USP34: variants seen among roughly 807,000 people sequenced by gnomAD.
USP34 encodes ubiquitin specific peptidase 34.
Under a neutral mutation model 460.3 loss-of-function variants are expected in USP34, and 70 were observed. The ratio of observed to expected loss-of-function variants is 0.15; its 90% CI spans 0.13 to 0.19. USP34 has a LOEUF of 0.19. USP34 is among the 10% of genes least tolerant of loss of function. The pLI is 1.00. For missense variants in USP34, 3,985 were observed against 4,236.2 expected (o/e 0.94, Z 1.65); for synonymous variants, 1,647 against 1,405.3 (o/e 1.17, Z -3.85).
chr2:61,453,457 C>T (rs991086134), intron 1 of USP34, among the ~76,000 whole-genome samples: 1 of 151,912 alleles, frequency 6.6e-6, no homozygotes, highest in Non-Finnish European at 1.5e-5. Context: ...TGCCTGTAAT[C>T]CCAGCACTTT....
intron 1 of USP34, among the ~76,000 whole-genome samples, chr2:61,435,029 C>T (rs1694774381): frequency 6.6e-6 from 1 of 151,998 alleles, no homozygotes; most frequent in Admixed American, 6.6e-5. Flanking sequence ...AGAGGCCAAG[C>T]ACAGCACCTC....
chr2:61,396,558 G>A (rs1326149554), intron 3 of USP34, among the ~76,000 whole-genome samples: 1 of 151,476 alleles, frequency 6.6e-6, no homozygotes, highest in African/African-American at 2.4e-5. Context: ...GCATGATCTC[G>A]GATCACTGCA....
At chr2:61,304,383 T>A (rs1461076466) in intron 27 of USP34, among the ~76,000 whole-genome samples, 1 of 152,240 alleles carries the variant, frequency 6.6e-6, no homozygotes, top group African/African-American at 2.4e-5. Flanking sequence ...GTATTTGATA[T>A]GAGATAGGCC....
intron 41 of USP34, among the ~76,000 whole-genome samples, chr2:61,276,020 G>C (rs1689363054): frequency 6.6e-6 from 1 of 152,160 alleles, no homozygotes; most frequent in Non-Finnish European, 1.5e-5. Flanking sequence ...TTTTACAAAT[G>C]AATGGGAAAC....
chr2:61,278,242 C>A lies in USP34; in HGVS notation c.5356G>T (p.Gly1786Trp). The change falls in exon 41 of 80, where the codon GGG becomes TGG. Residue 1786 changes from glycine (G) to tryptophan (W), a missense_variant. Gly to Trp is a radical substitution (Grantham distance 184, BLOSUM62 -2). Transcript: ENST00000398571. ...GCAAGCCTTAGGAGTCCTGTAAGCC[C>A]ATCATCTTCTACATTACCATCCTGA... ...DHQDGNVEDD[G>W]LTGLLRLATS... 2 of 1,613,654 alleles carry A rather than the reference C, an allele frequency of 1.2e-6. No homozygotes were observed. The highest frequency in any genetic ancestry group is 1.7e-6 in the Non-Finnish European group (2 of 1,179,796).
intron 1 of USP34, among the ~76,000 whole-genome samples, chr2:61,456,237 C>T (rs1195732742): frequency 1.3e-5 from 2 of 152,206 alleles, no homozygotes; most frequent in African/African-American, 4.8e-5. Context: ...ATGGTAACAA[C>T]GTGCCAGATT....
chr2:61,202,344 C>A (rs1202422535), intron 75 of USP34, among the ~76,000 whole-genome samples: 2 of 152,140 alleles, frequency 1.3e-5, no homozygotes, highest in African/African-American at 4.8e-5. Context: ...ACGTCCCACT[C>A]TGAAAACTAT....
Position 61,188,703 on chromosome 2 carries a change from T to C in USP34, c.10040A>G (p.Glu3347Gly), listed in dbSNP as rs753602835. The C allele has an allele frequency of 6.7e-5, 108 of 1,612,086 alleles. No individual in the cohort carries two copies. Among genetic ancestry groups the C allele is most frequent in the Non-Finnish European group, 9.1e-5 (107 of 1,179,162 alleles). The change falls in exon 80 of 80, where the codon GAA becomes GGA. Residue 3347 changes from glutamate (E) to glycine (G), a missense_variant. This residue lies in a region of USP34 where 506 missense variants were observed against 439.0 expected (regional missense o/e 1.15). Transcript: ENST00000398571. ...CCGCCTTTTAATGGGAGTTGCTCCT[T>C]CATCATCTGTGAAAACACATGCCAA... ...EAKERKTKDDEGATPIKRRRV... is the reference protein window; with the variant it reads ...EAKERKTKDDGGATPIKRRRV...
chr2:61,187,930 T>C lies in USP34; in HGVS notation c.*172A>G. 7.0e-7 allele frequency: 1 copy of C among 1,430,972 alleles called. No homozygotes were observed. The highest frequency in any genetic ancestry group is 9.2e-7 in the Non-Finnish European group (1 of 1,090,394). 88.6% of individuals were successfully genotyped at this position (1,430,972 alleles called of 1,614,324 possible). ...TTAGGAAGTATACTGAAGATGCAAG[T>C]TTTTTTCATCTGGAGTTCTGCCTGA... On this transcript the variant is annotated 3_prime_UTR_variant, in exon 80 of 80. Transcript: ENST00000398571.
At chr2:61,411,915 G>A (rs907371355) in intron 2 of USP34, among the ~76,000 whole-genome samples, 13 of 152,076 alleles carry the variant, frequency 8.5e-5, no homozygotes, top group East Asian at 3.9e-4. Context: ...AAGGGCGGGC[G>A]TGGTGGCTCA....
chr2:61,291,927 C>G (rs1005302504), intron 33 of USP34, among the ~76,000 whole-genome samples: 7 of 152,020 alleles, frequency 4.6e-5, no homozygotes, highest in Admixed American at 2.6e-4. Flanking sequence ...GGATGAATCT[C>G]GAAAATAGGC....
chr2:61,370,530 C>T lies in USP34; in HGVS notation c.1126G>A (p.Glu376Lys), dbSNP rs1692587517. ...TGTAAATTTGGTCCAAATATATGCT[C>T]CACCACATTGTTGCTAATAAGCCAG... ...ADWLISNNVV[E>K]HIFGPNLHIE... Residue 376 changes from glutamate (E) to lysine (K), a missense_variant, in exon 9 of 80, where the codon GAG (glutamate) becomes AAG (lysine). Glu to Lys is a moderately conservative substitution (Grantham distance 56, BLOSUM62 1). This residue lies in a region of USP34 where 716 missense variants were observed against 626.2 expected (regional missense o/e 1.14). Transcript: ENST00000398571. 1 of 1,613,818 alleles carries T rather than the reference C, an allele frequency of 6.2e-7. No homozygotes were observed. The highest frequency in any genetic ancestry group is 1.1e-5 in the South Asian group (1 of 91,050).
chr2:61,190,886 AG>A, intron 76 of USP34: 2 of 424,822 alleles, frequency 4.7e-6, no homozygotes, highest in Non-Finnish European at 8.3e-6. Context: ...TGCTGGGGGA[AG>A]ACACTGATGC....
intron 51 of USP34, among the ~76,000 whole-genome samples, chr2:61,244,813 G>A (rs894096285): frequency 2.0e-5 from 3 of 151,886 alleles, no homozygotes; most frequent in Non-Finnish European, 4.4e-5. Context: ...TGTGAATCAG[G>A]TAGCCTCTTG....
In USP34 at chr2:61,259,200, A is replaced by C. The variant is rs892878464; in HGVS notation, c.5844+511T>G. On this transcript the variant is annotated intron_variant, in intron 44 of 79. Transcript: ENST00000398571. ...CTTGAACCTGGGAGGTGGAGGTTGC[A>C]GTGAATTGAGATCACACCACTGCAC... Among the ~76,000 whole-genome samples, 3 of 152,140 alleles carry C rather than the reference A, an allele frequency of 2.0e-5. No homozygotes were observed. In the East Asian group the frequency reaches 5.8e-4, roughly 29 times the overall value.
At chr2:61,378,912 C>CAAAAAAAAAA (rs1491197501) in intron 7 of USP34, among the ~76,000 whole-genome samples, 10 of 8,622 alleles carry the variant, frequency 1.2e-3, no homozygotes, top group Admixed American at 1.4e-3. Context: ...CTCAAAAAAA[C>CAAAAAAAAAA]GAAAAAAAAA....
At chr2:61,322,589 G>A (rs1265327254) in intron 21 of USP34, among the ~76,000 whole-genome samples, 1 of 152,136 alleles carries the variant, frequency 6.6e-6, no homozygotes, top group Non-Finnish European at 1.5e-5. Flanking sequence ...GGGGCATGAT[G>A]GTATGGTACC....
intron 42 of USP34, 36 bp from the exon 43 acceptor site, chr2:61,265,593 A>G (rs1260214209): frequency 1.3e-6 from 2 of 1,569,740 alleles, no homozygotes; most frequent in Non-Finnish European, 1.7e-6. Context: ...ATCCCCCCCA[A>G]ACAAACTATG....
intron 1 of USP34, among the ~76,000 whole-genome samples, chr2:61,447,754 C>T (rs561780723): frequency 4.6e-5 from 7 of 152,226 alleles, no homozygotes; most frequent in African/African-American, 1.7e-4. Flanking sequence ...CTCACTCTGT[C>T]GCCTAGGCTG....
Sources: gnomAD v4.1 joint callset for allele counts (sites outside exome capture counted in the v4.1 genomes callset) on GRCh38, gnomAD v4.1.1 for gene constraint, gnomAD v4.1.1 regional missense constraint, MANE v1.5 for transcripts, NCBI Gene and HGNC (gene_info 2026-07-23, HGNC 2026-07-21) for gene names.